The following AKAP13 variants were observed in gnomAD, a reference collection of about 807,000 sequenced individuals.
AKAP13 encodes A-kinase anchoring protein 13.
Under a neutral mutation model 264.5 loss-of-function variants are expected in AKAP13, and 80 were observed. The observed-to-expected ratio is 0.30, with a 90% CI of 0.25 to 0.36. AKAP13 has a LOEUF of 0.36. Among genes scored for constraint, AKAP13 ranks in the 10% least tolerant of loss-of-function variants. The pLI is 1.00. For synonymous variants in AKAP13, 1,380 were observed against 1,250.2 expected (o/e 1.10, Z -2.19); for missense variants, 3,712 against 3,435.2 (o/e 1.08, Z -2.01).
At chr15:85,517,443 T>A (rs1336467173) in intron 2 of AKAP13, among the ~76,000 whole-genome samples, 4 of 152,148 alleles carry the variant, frequency 2.6e-5, no homozygotes, top group South Asian at 2.1e-4. Flanking sequence ...CCCAGCAAGA[T>A]GTTGGGTCTT....
intron 1 of AKAP13, among the ~76,000 whole-genome samples, chr15:85,387,873 C>T (rs1219756563): frequency 6.6e-6 from 1 of 152,030 alleles, no homozygotes; most frequent in Non-Finnish European, 1.5e-5. Context: ...ATAGAAAGAT[C>T]ATTTTATATT....
intron 10 of AKAP13, among the ~76,000 whole-genome samples, chr15:85,650,973 G>A (rs919491246): frequency 1.1e-4 from 16 of 151,912 alleles, no homozygotes; most frequent in Non-Finnish European, 2.1e-4. Context: ...ACATAGTAGA[G>A]TGCCTTGTGT....
At chr15:85,562,687 T>C (rs2078435606) in intron 5 of AKAP13, among the ~76,000 whole-genome samples, 1 of 65,040 alleles carries the variant, frequency 1.5e-5, no homozygotes, top group African/African-American at 4.3e-5. Flanking sequence ...TTTTCTTTTC[T>C]TTTCTTTTTT....
At chr15:85,548,534 T>G (rs1404225595) in intron 5 of AKAP13, among the ~76,000 whole-genome samples, 2 of 152,176 alleles carry the variant, frequency 1.3e-5, no homozygotes, top group Non-Finnish European at 2.9e-5. Flanking sequence ...CCACTGAGTC[T>G]CATGTTTCCC....
At chr15:85,572,276 T>C (rs1345825333) in intron 5 of AKAP13, among the ~76,000 whole-genome samples, 2 of 152,202 alleles carry the variant, frequency 1.3e-5, no homozygotes, top group African/African-American at 4.8e-5. Context: ...TATGGCTGTA[T>C]GTGATAATCT....
At chr15:85,563,023 C>T (rs1047667439) in intron 5 of AKAP13, among the ~76,000 whole-genome samples, 1 of 151,878 alleles carries the variant, frequency 6.6e-6, no homozygotes, top group African/African-American at 2.4e-5. Context: ...CCCCACTTTT[C>T]TTTAAACAGA....
chr15:85,463,817 T>TA (rs1341624112), intron 1 of AKAP13, among the ~76,000 whole-genome samples: 1 of 152,154 alleles, frequency 6.6e-6, no homozygotes, highest in South Asian at 2.1e-4. Context: ...TTTTTTTTTT[T>TA]TTCCCCCTGG....
intron 26 of AKAP13, 34 bp downstream of exon 26, chr15:85,723,354 C>T (rs2087408018): frequency 6.3e-7 from 1 of 1,591,078 alleles, no homozygotes; most frequent in Middle Eastern, 1.7e-4. Flanking sequence ...AAGTATGTGC[C>T]CAGGTAAAAC....
At chr15:85,396,424 C>A (rs767987022) in intron 1 of AKAP13, among the ~76,000 whole-genome samples, 1 of 152,084 alleles carries the variant, frequency 6.6e-6, no homozygotes, top group African/African-American at 2.4e-5. Flanking sequence ...CACAGTAGAA[C>A]GGTAGAATTG....
Position 85,727,325 on chromosome 15 carries a change from C to T in AKAP13, c.7005-56C>T. 1 of 1,613,210 alleles carries T rather than the reference C, an allele frequency of 6.2e-7. No individual in the cohort carries two copies. ...GATTTCATAACAGGCTGGACTGTGA[C>T]CAGAGTAATTGACATCTTAGGAATT... On this transcript the variant is annotated intron_variant, in intron 28 of 36. Coordinates refer to ENST00000394518, the MANE Select transcript of AKAP13 (RefSeq NM_007200.5). This position sits in a 1 kb window ranked among gnomAD's most constrained non-coding sequence, Gnocchi z 5.3.
chr15:85,636,901 C>T (rs186032154), intron 8 of AKAP13, among the ~76,000 whole-genome samples: 168 of 152,338 alleles, frequency 1.1e-3, no homozygotes, highest in Admixed American at 3.1e-3. Flanking sequence ...AGGCATGAGC[C>T]GCCGCTCCCG....
At chr15:85,729,046 A>G (rs1421797011) in intron 29 of AKAP13, among the ~76,000 whole-genome samples, 2 of 152,146 alleles carry the variant, frequency 1.3e-5, no homozygotes, top group Admixed American at 6.5e-5. Context: ...CATGCCTGTA[A>G]TCCCAGCACT....
At chr15:85,520,415 T>C (rs1393483877) in intron 2 of AKAP13, among the ~76,000 whole-genome samples, 1 of 149,918 alleles carries the variant, frequency 6.7e-6, no homozygotes, top group Non-Finnish European at 1.5e-5. Flanking sequence ...TGAGGATCGC[T>C]TGAACCTAGG....
chr15:85,583,215 A>G (rs2079196775), intron 7 of AKAP13: 1 of 972,178 alleles, frequency 1.0e-6, no homozygotes, highest in South Asian at 4.8e-5. Flanking sequence ...TGTTCTTTTC[A>G]ATTTTTGAAA....
At chr15:85,422,835 A>G (rs1175859055) in intron 1 of AKAP13, among the ~76,000 whole-genome samples, 1 of 152,254 alleles carries the variant, frequency 6.6e-6, no homozygotes, top group Non-Finnish European at 1.5e-5. Flanking sequence ...TGGCCAGTAT[A>G]GAAGTGACCT....
chr15:85,605,207 G>C (rs11633893), intron 8 of AKAP13, among the ~76,000 whole-genome samples: 1 of 152,144 alleles, frequency 6.6e-6, no homozygotes, highest in East Asian at 1.9e-4. Flanking sequence ...ACTTCGTCTC[G>C]AATAATTTAC....
At chr15:85,713,060 C>T (rs2086717022) in intron 19 of AKAP13, among the ~76,000 whole-genome samples, 1 of 152,180 alleles carries the variant, frequency 6.6e-6, no homozygotes, top group South Asian at 2.1e-4. Context: ...TAAATCAGAT[C>T]ATACCTATAA....
chr15:85,552,592 T>G (rs1190083802), intron 5 of AKAP13, among the ~76,000 whole-genome samples: 1 of 151,684 alleles, frequency 6.6e-6, no homozygotes, highest in African/African-American at 2.4e-5. Context: ...TACATTTATA[T>G]CAGGATTGAG....
intron 14 of AKAP13, among the ~76,000 whole-genome samples, chr15:85,679,473 A>T (rs181150365): frequency 6.6e-6 from 1 of 152,230 alleles, no homozygotes; most frequent in Non-Finnish European, 1.5e-5. Flanking sequence ...TTCATGGCCA[A>T]ATATTAGTAA....
Sources: gnomAD v4.1 joint callset for allele counts (sites outside exome capture counted in the v4.1 genomes callset) on GRCh38, gnomAD v4.1.1 for gene constraint, Gnocchi (gnomAD v3.1) non-coding constraint, MANE v1.5 for transcripts, NCBI Gene and HGNC (gene_info 2026-07-23, HGNC 2026-07-21) for gene names.